The following NR5A2 variants were observed in gnomAD, a reference collection of about 807,000 sequenced individuals.
NR5A2 encodes CYP7A promoter-binding factor.
In NR5A2, 26 loss-of-function variants were observed where a neutral mutation model predicts 62.7. The observed-to-expected ratio is 0.41, with a 90% CI of 0.30 to 0.58. The LOEUF is 0.58. NR5A2 is among the 20% of genes least tolerant of loss of function. The pLI, the probability that NR5A2 is intolerant of heterozygous loss-of-function variation, is 0.22. For missense variants in NR5A2, 541 were observed against 669.1 expected, an observed-to-expected ratio of 0.81 and a Z score of 2.11; for synonymous variants, 246 against 241.7, an observed-to-expected ratio of 1.02 and a Z score of -0.16.
chr1:200,156,921 C>A (rs1653416635), intron 7 of NR5A2, among the ~76,000 whole-genome samples: 1 of 152,120 alleles, frequency 6.6e-6, no homozygotes, highest in South Asian at 2.1e-4. Context: ...CTTATTGAGA[C>A]ATAACCCCAT....
In NR5A2 at chr1:200,147,764, G is replaced by A. The variant is rs937678435; in HGVS notation, c.1379-26199G>A. The A allele has an allele frequency of 2.0e-6, 1 of 505,040 alleles. No homozygotes were observed. Among genetic ancestry groups the A allele is most frequent in the East Asian group, 4.3e-5 (1 of 23,378 alleles). 31.3% of individuals were successfully genotyped at this position (505,040 alleles called of 1,614,324 possible). On this transcript the variant is annotated intron_variant, in intron 7 of 7. Coordinates refer to ENST00000367362, the MANE Select transcript of NR5A2 (RefSeq NM_205860.3). This position sits in a 1 kb window ranked among gnomAD's most constrained non-coding sequence, Gnocchi z 4.9. ...ACGGTGAAGACGCGGATGCCGGCGC[G>A]AATGCCGGCACGGATGCCGGCACGG...
intron 7 of NR5A2, among the ~76,000 whole-genome samples, chr1:200,155,793 C>T (rs1391926523): frequency 6.6e-6 from 1 of 152,040 alleles, no homozygotes; most frequent in African/African-American, 2.4e-5. Flanking sequence ...CCTGCCTCAG[C>T]CTCCCAAGTA....
At chr1:200,164,850 C>G (rs111865734) in intron 7 of NR5A2, among the ~76,000 whole-genome samples, 25,325 of 127,584 alleles carry the variant, frequency 0.2, 2,865 homozygotes, top group African/African-American at 0.35. Context: ...ACCTGGCCAA[C>G]TTTATTTTTT....
At position 200,158,883 on chromosome 1, in the gene NR5A2, A is replaced by C. The variant is rs1250541452; in HGVS notation, c.1379-15080A>C. ...TATTCTGCATTCTGGTATTGACCTG[A>C]CCTTAATATGTTTGATTCTTTTTTT... On this transcript the variant is annotated intron_variant, in intron 7 of 7. Transcript: ENST00000367362. 2.0e-5 allele frequency among the ~76,000 whole-genome samples: 3 copies of C among 147,506 alleles called. No individual in the cohort carries two copies. The East Asian group carries it at 6.0e-4, about 29-fold the overall frequency.
At chr1:200,065,221 A>G (rs1663412707) in intron 5 of NR5A2, among the ~76,000 whole-genome samples, 1 of 152,138 alleles carries the variant, frequency 6.6e-6, no homozygotes, top group Non-Finnish European at 1.5e-5. Context: ...ATCTTGGCTC[A>G]CTGCAACCTC....
At position 200,048,578 on chromosome 1, in the gene NR5A2, G is replaced by C. The variant is rs1206892881; in HGVS notation, c.870G>C (p.Met290Ile). ...SPESIMGYSY[M>I]DSYQTSSPAS... ...AGTCCATAATGGGCTATTCATATATGGATAGTTACCAGACGAGCTCTCCAG... is the reference window on the plus strand; with the variant it reads ...AGTCCATAATGGGCTATTCATATATCGATAGTTACCAGACGAGCTCTCCAG... The change falls in exon 5 of 8, where the codon ATG becomes ATC. Residue 290 changes from methionine to isoleucine, a missense_variant. By Grantham distance (10) the Met-to-Ile change is conservative. Around this residue, in one of 3 missense-constraint regions of NR5A2, gnomAD observed 379 missense variants for 442.0 expected, o/e 0.86. Coordinates refer to ENST00000367362, the MANE Select transcript of NR5A2 (RefSeq NM_205860.3). The surrounding 1 kb of genome is among the most constrained non-coding windows in gnomAD (Gnocchi z 4.8). 6.2e-7 allele frequency: 1 copy of C among 1,614,148 alleles called. No individual in the cohort carries two copies. Among genetic ancestry groups the C allele is most frequent in the Non-Finnish European group, 8.5e-7 (1 of 1,180,012 alleles).
chr1:200,091,647 G>A (rs561497298), intron 5 of NR5A2, among the ~76,000 whole-genome samples: 11 of 152,126 alleles, frequency 7.2e-5, no homozygotes, highest in Admixed American at 7.2e-4. Flanking sequence ...ACCATGCCCA[G>A]CTAATTTTTG....
At chr1:200,053,528 T>A (rs1662754188) in intron 5 of NR5A2, among the ~76,000 whole-genome samples, 1 of 146,852 alleles carries the variant, frequency 6.8e-6, no homozygotes, top group Non-Finnish European at 1.5e-5. Context: ...AAAGAAGCAG[T>A]CCTCTTGTAC....
At chr1:200,074,159 G>T (rs1663889673) in intron 5 of NR5A2, among the ~76,000 whole-genome samples, 1 of 152,132 alleles carries the variant, frequency 6.6e-6, no homozygotes, top group Non-Finnish European at 1.5e-5. Context: ...TATTAGTAAT[G>T]AAATGATTCA....
intron 7 of NR5A2, among the ~76,000 whole-genome samples, chr1:200,163,572 C>T (rs1302858667): frequency 6.6e-6 from 1 of 151,882 alleles, no homozygotes; most frequent in Non-Finnish European, 1.5e-5. Flanking sequence ...GCCCCAACTT[C>T]CTGGGATCAA....
intron 7 of NR5A2, among the ~76,000 whole-genome samples, chr1:200,163,278 A>AAAG (rs1278395622): frequency 2.0e-5 from 3 of 151,094 alleles, no homozygotes; most frequent in African/African-American, 7.3e-5. Flanking sequence ...AAAAAAAAAA[A>AAAG]AAGAAGAAGA....
chr1:200,165,684 C>T (rs942622032), intron 7 of NR5A2, among the ~76,000 whole-genome samples: 7 of 152,154 alleles, frequency 4.6e-5, no homozygotes, highest in Admixed American at 1.3e-4. Context: ...GCCAACAGCT[C>T]GTTTCATTTT....
At chr1:200,084,162 G>A (rs1199341707) in intron 5 of NR5A2, among the ~76,000 whole-genome samples, 1 of 151,908 alleles carries the variant, frequency 6.6e-6, no homozygotes, top group Non-Finnish European at 1.5e-5. Context: ...CTGCTTTTGA[G>A]GATCATATTT....
At chr1:200,129,227 ACTCT>A (rs140010775) in intron 7 of NR5A2, among the ~76,000 whole-genome samples, 10 of 148,922 alleles carry the variant, frequency 6.7e-5, no homozygotes, top group Admixed American at 5.5e-4. Context: ...CACTTTTGAG[ACTCT>A]CTCTCTCTCT....
At chr1:200,145,601 T>C (rs1258200036) in intron 7 of NR5A2, among the ~76,000 whole-genome samples, 1 of 151,932 alleles carries the variant, frequency 6.6e-6, no homozygotes, top group African/African-American at 2.4e-5. Flanking sequence ...GAAGGTCGGG[T>C]TACACTAGGT....
chr1:200,148,179 C>G lies in NR5A2; in HGVS notation c.1379-25784C>G, dbSNP rs3790798. On this transcript the variant is annotated intron_variant, in intron 7 of 7. Transcript: ENST00000367362. ...GAGGAAGACCAGATTGTAGTGGACG[C>G]TTCTGCAACCTGTCCGTTGGGCCTA... 5,780 of 336,522 alleles carry G rather than the reference C, an allele frequency of 0.017. 338 individuals carry two copies. The East Asian group carries it at 0.21, about 12-fold the overall frequency. The allele number at this position is 336,522 out of a possible 1,614,324, so 20.8% of individuals were successfully genotyped here. A position where few individuals can be genotyped will look rare whatever the true frequency, so the allele number is the denominator to read the frequency against.
At chr1:200,049,992 AT>A (rs1194664929) in intron 5 of NR5A2, among the ~76,000 whole-genome samples, 1 of 152,242 alleles carries the variant, frequency 6.6e-6, no homozygotes, top group Admixed American at 6.5e-5. Context: ...AGTTGATAAA[AT>A]TCCATCAGCA....
At chr1:200,092,036 G>A (rs1664842761) in intron 5 of NR5A2, among the ~76,000 whole-genome samples, 1 of 152,164 alleles carries the variant, frequency 6.6e-6, no homozygotes. Context: ...ACCCCCAGGT[G>A]AACTCTAAGT....
At chr1:200,170,391 G>T (rs1311854521) in intron 7 of NR5A2, among the ~76,000 whole-genome samples, 1 of 152,130 alleles carries the variant, frequency 6.6e-6, no homozygotes, top group African/African-American at 2.4e-5. Flanking sequence ...TCATGAAAAA[G>T]TATGCATTTT....
Sources: gnomAD v4.1 joint callset for allele counts (sites outside exome capture counted in the v4.1 genomes callset) on GRCh38, gnomAD v4.1.1 for gene constraint, gnomAD v4.1.1 regional missense constraint, Gnocchi (gnomAD v3.1) non-coding constraint, MANE v1.5 for transcripts, NCBI Gene and HGNC (gene_info 2026-07-23, HGNC 2026-07-21) for gene names.